DNAH10: variants seen among roughly 807,000 people sequenced by gnomAD.
DNAH10 encodes the protein axonemal beta dynein heavy chain 10.
A neutral mutation model predicts 506.6 loss-of-function variants in DNAH10; 348 were observed. That is an observed-to-expected ratio of 0.69 (90% CI 0.63 to 0.75). DNAH10 has a LOEUF of 0.75. Ranked by LOEUF, DNAH10 falls within the 30% of genes least tolerant of loss-of-function variation. The probability of loss-of-function intolerance (pLI) is 0.00; values close to 1 mark genes in which losing one functional copy is unlikely to be tolerated. For missense variants in DNAH10, 5,179 were observed against 5,787.1 expected (o/e 0.89, Z 3.41); for synonymous variants, 2,059 against 2,198.6 (o/e 0.94, Z 1.78).
chr12:123,902,551 C>T lies in DNAH10; in HGVS notation c.9641-388C>T, dbSNP rs901088133. On this transcript the variant is annotated intron_variant, in intron 56 of 78. Transcript: ENST00000673944. This position sits in a 1 kb window ranked among gnomAD's most constrained non-coding sequence, Gnocchi z 4.5. ...GTGGCTCTGGCTGGGCCCGAGTGAG[C>T]GTAGGAAGAGGCGATGAGAGGCAGA... Among the ~76,000 whole-genome samples, 3 of 152,046 alleles carry T rather than the reference C, an allele frequency of 2.0e-5. No homozygotes were observed. Among genetic ancestry groups the T allele is most frequent in the Admixed American group, 6.6e-5 (1 of 15,266 alleles).
intron 57 of DNAH10, among the ~76,000 whole-genome samples, chr12:123,904,431 C>T (rs1479590926): frequency 3.3e-5 from 5 of 152,114 alleles, no homozygotes; most frequent in East Asian, 3.9e-4. Context: ...ATAAAAACAT[C>T]GTGAAAGCAG....
At chr12:123,915,748 C>T (rs890925392) in intron 62 of DNAH10, among the ~76,000 whole-genome samples, 15 of 152,178 alleles carry the variant, frequency 9.9e-5, no homozygotes, top group Non-Finnish European at 1.6e-4. Flanking sequence ...TGAACAGACA[C>T]ATTGTGTTCA....
In DNAH10 at chr12:123,913,035, C is replaced by A; in HGVS notation, c.10135-63C>A. 1.3e-6 allele frequency: 2 copies of A among 1,487,056 alleles called. No homozygotes were observed. Among genetic ancestry groups the A allele is most frequent in the South Asian group, 2.5e-5 (2 of 79,764 alleles). The allele number at this position is 1,487,056 out of a possible 1,614,324, so 92.1% of individuals were successfully genotyped here. On this transcript the variant is annotated intron_variant, in intron 59 of 78. Coordinates refer to ENST00000673944, the MANE Select transcript of DNAH10 (RefSeq NM_001372106.1). This position sits in a 1 kb window ranked among gnomAD's most constrained non-coding sequence, Gnocchi z 5.1. ...TTTAGACATGTGGCCTGGTTTGAGG[C>A]CATGGGATCGCGGCCCCACCACGGT...
chr12:123,777,066 A>AC (rs896479529), intron 5 of DNAH10, among the ~76,000 whole-genome samples: 5 of 152,168 alleles, frequency 3.3e-5, no homozygotes, highest in African/African-American at 1.2e-4. Context: ...GAAGATTTGG[A>AC]CAAAAAAGTC....
At chr12:123,889,076 T>C (rs1377905716) in intron 52 of DNAH10, among the ~76,000 whole-genome samples, 4 of 152,238 alleles carry the variant, frequency 2.6e-5, no homozygotes, top group African/African-American at 7.2e-5. Flanking sequence ...TGTGAACATC[T>C]GCCGGCATGC....
chr12:123,898,240 G>T (rs1333605919), intron 55 of DNAH10, among the ~76,000 whole-genome samples: 2 of 152,086 alleles, frequency 1.3e-5, no homozygotes, highest in African/African-American at 4.8e-5. Context: ...TTAGGGATAG[G>T]GTCTCTGTTT....
At chr12:123,847,444 G>A (rs141490385) in intron 32 of DNAH10, among the ~76,000 whole-genome samples, 2 of 152,222 alleles carry the variant, frequency 1.3e-5, no homozygotes, top group East Asian at 1.9e-4. Flanking sequence ...CAAGCTGGAG[G>A]ACCAGGAAGG....
chr12:123,878,883 C>T lies in DNAH10; in HGVS notation c.8373-381C>T, dbSNP rs560837252. ...CAATGCACCAGCCTGGGTAACAAAG[C>T]GAGACCCCACCTCTTAAAAAAAGAA... is the stretch of plus-strand genomic sequence containing the variant. On this transcript the variant is annotated intron_variant, in intron 48 of 78. Transcript: ENST00000673944. Among the ~76,000 whole-genome samples, 15 of 152,028 alleles carry T rather than the reference C, an allele frequency of 9.9e-5. No individual in the cohort carries two copies. The South Asian group carries it at 1.0e-3, about 11-fold the overall frequency.
At chr12:123,779,198 C>T (rs1024333792) in intron 5 of DNAH10, among the ~76,000 whole-genome samples, 8 of 150,898 alleles carry the variant, frequency 5.3e-5, no homozygotes, top group Non-Finnish European at 7.4e-5. Context: ...CCACCGTGCC[C>T]GGCCTAATTT....
In DNAH10 at chr12:123,864,679, G is replaced by A; in HGVS notation, c.6993G>A (p.Leu2331=). ...SVMDDNRLLT[L]ANGERIRLQA... The stretch of plus-strand genomic sequence containing the variant: ...TGGATGACAACAGGTTGTTGACATT[G>A]GCCAACGGGGAACGCATCCGGCTCC... Residue 2331 remains leucine (L), a synonymous_variant, in exon 40 of 79, where the codon TTG becomes TTA. Transcript: ENST00000673944. 1.9e-6 allele frequency: 3 copies of A among 1,613,992 alleles called. No homozygotes were observed. The highest frequency in any genetic ancestry group is 1.1e-5 in the South Asian group (1 of 91,068).
Position 123,826,907 on chromosome 12 carries a change from T to C in DNAH10, c.4391+9T>C. On this transcript the variant is annotated intron_variant, in intron 25 of 78. Transcript: ENST00000673944. Reference sequence around the variant, plus strand: ...GAGGCACTAAGAGACAGGTTTGTTTTGTCCTCTGTCCGCAGATGTAAAAGT... The same window carrying C: ...GAGGCACTAAGAGACAGGTTTGTTTCGTCCTCTGTCCGCAGATGTAAAAGT... 1 of 1,605,958 alleles carries C rather than the reference T, an allele frequency of 6.2e-7. No homozygotes were observed. The highest frequency in any genetic ancestry group is 8.5e-7 in the Non-Finnish European group (1 of 1,175,074).
intron 24 of DNAH10, among the ~76,000 whole-genome samples, chr12:123,823,764 TA>T (rs145100384): frequency 0.018 from 2,685 of 152,274 alleles, 91 homozygotes; most frequent in African/African-American, 0.061. Flanking sequence ...ACAATCCAAT[TA>T]TGCTCCTTTA....
Position 123,932,607 on chromosome 12 carries a change from A to G in DNAH10, c.13296+499A>G, listed in dbSNP as rs1032944754. The stretch of plus-strand genomic sequence containing the variant: ...TGGATCAAAGAGCTTGTGCATTTTA[A>G]ATTTTGATAGCTCTTGTTGGATGGT... On this transcript the variant is annotated intron_variant, in intron 76 of 78. Coordinates refer to ENST00000673944, the MANE Select transcript of DNAH10 (RefSeq NM_001372106.1). 5 of 155,276 alleles carry G rather than the reference A, an allele frequency of 3.2e-5. No homozygotes were observed. The South Asian group carries it at 9.9e-4, about 31-fold the overall frequency. 9.6% of individuals were successfully genotyped at this position (155,276 alleles called of 1,614,324 possible). A position where few individuals can be genotyped will look rare whatever the true frequency, so the allele number is the denominator to read the frequency against.
Position 123,823,944 on chromosome 12 carries a change from T to C in DNAH10, c.4180-2743T>C, listed in dbSNP as rs577072841. Among the ~76,000 whole-genome samples, 8 of 152,304 alleles carry C rather than the reference T, an allele frequency of 5.3e-5. No homozygotes were observed. The South Asian group carries it at 1.7e-3, about 32-fold the overall frequency. ...CCCCCAGCCTACTCTGGTCTGTGGA[T>C]GTTAAGGGACATTTCATCACCTAGA... On this transcript the variant is annotated intron_variant, in intron 24 of 78. Transcript: ENST00000673944.
chr12:123,830,580 T>A lies in DNAH10; in HGVS notation c.4426T>A (p.Phe1476Ile), dbSNP rs1369845171. The change falls in exon 26 of 79, where the codon TTT (phenylalanine) becomes ATT (isoleucine). Residue 1476 changes from phenylalanine to isoleucine, a missense_variant. Physicochemically the swap from Phe to Ile is conservative, Grantham distance 21 (BLOSUM62 0). Coordinates refer to ENST00000673944, the MANE Select transcript of DNAH10 (RefSeq NM_001372106.1). ...AGAACTTATGGAAAAAACGTCTGTC[T>A]TTTTTGAAATGACCGAAACGTTCAC... ...WKELMEKTSV[F>I]FEMTETFTLE... is the part of the protein sequence containing the mutation. 1.5e-5 allele frequency: 25 copies of A among 1,613,506 alleles called. No individual in the cohort carries two copies. Among genetic ancestry groups the A allele is most frequent in the Non-Finnish European group, 2.1e-5 (25 of 1,179,672 alleles).
Position 123,926,764 on chromosome 12 carries a change from A to G in DNAH10, c.12049A>G (p.Ser4017Gly). The G allele has an allele frequency of 6.2e-7, 1 of 1,613,980 alleles. No individual in the cohort carries two copies. Among genetic ancestry groups the G allele is most frequent in the Non-Finnish European group, 8.5e-7 (1 of 1,179,894 alleles). ...TGATCTTATGAAATTAGCAGAGCGAAGTGGTTTTGGAGGAAATCGCCTCAA... is the reference window on the plus strand; with the variant it reads ...TGATCTTATGAAATTAGCAGAGCGAGGTGGTTTTGGAGGAAATCGCCTCAA... Reference protein sequence around the residue: ...ATDLMKLAERSGFGGNRLKFL... With the variant: ...ATDLMKLAERGGFGGNRLKFL... Residue 4017 changes from serine to glycine, a missense_variant, in exon 69 of 79, where the codon AGT (serine) becomes GGT (glycine). Ser to Gly is a moderately conservative substitution (Grantham distance 56). This residue lies in a region of DNAH10 where 4,844 missense variants were observed against 5,430.5 expected (regional missense o/e 0.89). Coordinates refer to ENST00000673944, the MANE Select transcript of DNAH10 (RefSeq NM_001372106.1). The surrounding 1 kb of genome is among the most constrained non-coding windows in gnomAD (Gnocchi z 4.1).
chr12:123,889,885 G>A (rs1594297731), intron 52 of DNAH10, among the ~76,000 whole-genome samples: 3 of 152,268 alleles, frequency 2.0e-5, no homozygotes, highest in African/African-American at 4.8e-5. Flanking sequence ...CAGGCCACCC[G>A]TTTCTTGGCT....
chr12:123,867,253 C>T (rs374442494), intron 41 of DNAH10, among the ~76,000 whole-genome samples: 3 of 152,010 alleles, frequency 2.0e-5, no homozygotes, highest in African/African-American at 4.8e-5. Context: ...TCTGTGGCAG[C>T]GAAATGAAAC....
chr12:123,927,128 G>A (rs1016084072), intron 69 of DNAH10: 1 of 340,124 alleles, frequency 2.9e-6, no homozygotes, highest in South Asian at 3.6e-5. Flanking sequence ...CTGCAGCCTC[G>A]ACCTCCTGAT....
Sources: gnomAD v4.1 joint callset for allele counts (sites outside exome capture counted in the v4.1 genomes callset) on GRCh38, gnomAD v4.1.1 for gene constraint, gnomAD v4.1.1 regional missense constraint, Gnocchi (gnomAD v3.1) non-coding constraint, MANE v1.5 for transcripts, NCBI Gene and HGNC (gene_info 2026-07-23, HGNC 2026-07-21) for gene names.